Variants in FAM13A observed in about 807,000 individuals in gnomAD.
The protein encoded by FAM13A is protein FAM13A.
In FAM13A, 76 loss-of-function variants were observed where a neutral mutation model predicts 129.6. That is an observed-to-expected ratio of 0.59 (90% CI 0.49 to 0.71). The LOEUF (loss-of-function observed/expected upper bound fraction) is 0.71, where lower values mean the gene tolerates loss of function less well. Ranked by LOEUF, FAM13A falls within the 30% of genes least tolerant of loss-of-function variation. FAM13A has a pLI of 0.00. For missense variants in FAM13A, 1,108 were observed against 1,249.3 expected (o/e 0.89, Z 1.70); for synonymous variants, 443 against 449.9 (o/e 0.98, Z 0.20).
At chr4:89,024,261 G>A (rs950671552) in intron 2 of FAM13A, among the ~76,000 whole-genome samples, 2 of 152,026 alleles carry the variant, frequency 1.3e-5, no homozygotes, top group Non-Finnish European at 2.9e-5. Flanking sequence ...TCTGACACCT[G>A]GTGGTGACTT....
intron 7 of FAM13A, chr4:88,823,096 A>G: frequency 6.3e-7 from 1 of 1,590,670 alleles, no homozygotes. Context: ...TACAGTGGCT[A>G]AGCTGGGTTG....
chr4:88,851,029 A>G lies in FAM13A; in HGVS notation c.998T>C (p.Leu333Ser). 1 of 1,613,938 alleles carries G rather than the reference A, an allele frequency of 6.2e-7. No individual in the cohort carries two copies. The highest frequency in any genetic ancestry group is 8.5e-7 in the Non-Finnish European group (1 of 1,179,880). ...NSAEGAISAK[L>S]VPSSQEDERP... ...AAGAAAACATGCCAACCTGGGTACC[A>G]ACTTGGCACTAATAGCACCCTCTGC... Residue 333 changes from leucine to serine, a missense_variant, in exon 7 of 24, where the codon TTG becomes TCG. Around this residue, in one of 3 missense-constraint regions of FAM13A, gnomAD observed 566 missense variants for 595.7 expected, o/e 0.95. Transcript: ENST00000264344.
At chr4:88,849,922 C>T (rs1210667022) in intron 7 of FAM13A, among the ~76,000 whole-genome samples, 2 of 152,202 alleles carry the variant, frequency 1.3e-5, no homozygotes, top group African/African-American at 2.4e-5. Context: ...TGTTATACCT[C>T]CTAAGTAAGC....
At chr4:88,856,201 C>T (rs1738460578) in intron 6 of FAM13A, among the ~76,000 whole-genome samples, 2 of 151,922 alleles carry the variant, frequency 1.3e-5, no homozygotes, top group African/African-American at 4.8e-5. Context: ...AAGTGTGGAC[C>T]GGGCATGGTG....
At chr4:89,032,940 C>T (rs1173688294) in intron 1 of FAM13A, among the ~76,000 whole-genome samples, 28 of 152,342 alleles carry the variant, frequency 1.8e-4, no homozygotes, top group Non-Finnish European at 5.9e-5. Flanking sequence ...CTCTAGTGCT[C>T]TAACAAGATG....
At chr4:88,803,555 T>TG (rs1553987457) in intron 8 of FAM13A, among the ~76,000 whole-genome samples, 2 of 37,458 alleles carry the variant, frequency 5.3e-5, no homozygotes, top group African/African-American at 1.0e-4. Flanking sequence ...AAACATTTGT[T>TG]ATTACTGTGT....
At chr4:88,749,704 G>A in intron 16 of FAM13A, 67 bp downstream of exon 16, 2 of 1,549,182 alleles carry the variant, frequency 1.3e-6, no homozygotes, top group East Asian at 2.2e-5. Flanking sequence ...GTTTCTTTGA[G>A]TTGCTGAAAT....
At chr4:88,869,111 T>A (rs1200540888) in intron 6 of FAM13A, among the ~76,000 whole-genome samples, 2 of 152,172 alleles carry the variant, frequency 1.3e-5, no homozygotes, top group Admixed American at 1.3e-4. Context: ...CTGAGAGTCA[T>A]CTTTATCTCA....
intron 6 of FAM13A, among the ~76,000 whole-genome samples, chr4:88,862,819 A>G (rs1739713966): frequency 6.6e-6 from 1 of 151,924 alleles, no homozygotes; most frequent in Non-Finnish European, 1.5e-5. Context: ...ATGTATAAGG[A>G]AGTTTGGGTA....
At chr4:88,985,009 G>A (rs550467368) in intron 4 of FAM13A, among the ~76,000 whole-genome samples, 3 of 152,190 alleles carry the variant, frequency 2.0e-5, no homozygotes, top group Admixed American at 6.5e-5. Flanking sequence ...AGCATCATTC[G>A]AAATAGCCAG....
At chr4:89,020,709 T>A in intron 2 of FAM13A, 40 bp from the exon 3 acceptor site, 1 of 1,359,182 alleles carries the variant, frequency 7.4e-7, no homozygotes, top group Non-Finnish European at 1.1e-6. Flanking sequence ...AATAGGTTTC[T>A]CACAGACATG....
chr4:88,887,907 T>C (rs1744718639), intron 6 of FAM13A, among the ~76,000 whole-genome samples: 1 of 152,204 alleles, frequency 6.6e-6, no homozygotes, highest in Non-Finnish European at 1.5e-5. Context: ...TTCTTTAAAT[T>C]TGTTTTATGT....
intron 1 of FAM13A, among the ~76,000 whole-genome samples, chr4:89,034,315 A>G (rs1362584763): frequency 2.0e-5 from 3 of 152,196 alleles, no homozygotes; most frequent in Non-Finnish European, 4.4e-5. Context: ...GCCAACAAAC[A>G]TGAAAAGATG....
intron 6 of FAM13A, among the ~76,000 whole-genome samples, chr4:88,872,268 T>C (rs1741552415): frequency 1.3e-5 from 2 of 152,160 alleles, no homozygotes; most frequent in Non-Finnish European, 2.9e-5. Context: ...AACATCATAA[T>C]GACAGGATCA....
intron 8 of FAM13A, among the ~76,000 whole-genome samples, chr4:88,794,711 A>G (rs1725824337): frequency 6.6e-6 from 1 of 151,884 alleles, no homozygotes; most frequent in African/African-American, 2.4e-5. Context: ...TCTCTAGGAT[A>G]TAATATTTAA....
At chr4:88,772,323 C>T (rs1304634642) in intron 11 of FAM13A, among the ~76,000 whole-genome samples, 4 of 152,090 alleles carry the variant, frequency 2.6e-5, no homozygotes, top group Non-Finnish European at 4.4e-5. Context: ...ATTGTATAAG[C>T]GCATTCATAT....
Position 88,973,121 on chromosome 4 carries a change from C to A in FAM13A, c.605+17852G>T, listed in dbSNP as rs1216517745. ...ATCTTCTGCAGTTTGAAATGACAAG[C>A]CTAGGCATAATTTTTTTTTTTTTTT... On this transcript the variant is annotated intron_variant, in intron 4 of 23. Transcript: ENST00000264344. Among the ~76,000 whole-genome samples, 3 of 143,738 alleles carry A rather than the reference C, an allele frequency of 2.1e-5. No homozygotes were observed. In the South Asian group the frequency reaches 6.5e-4, roughly 31 times the overall value. 94.3% of individuals were successfully genotyped at this position (143,738 alleles called of 152,430 possible).
chr4:88,815,639 T>C (rs1254820665), intron 7 of FAM13A, among the ~76,000 whole-genome samples: 5 of 152,234 alleles, frequency 3.3e-5, no homozygotes, highest in South Asian at 2.1e-4. Flanking sequence ...TGTACTCATG[T>C]GTACTTGGTC....
intron 4 of FAM13A, among the ~76,000 whole-genome samples, chr4:88,945,446 G>A (rs1755500925): frequency 6.6e-6 from 1 of 152,128 alleles, no homozygotes; most frequent in Non-Finnish European, 1.5e-5. Context: ...CCCTATCGTA[G>A]TAAGACTCTT....
Sources: gnomAD v4.1 joint callset for allele counts (sites outside exome capture counted in the v4.1 genomes callset) on GRCh38, gnomAD v4.1.1 for gene constraint, gnomAD v4.1.1 regional missense constraint, MANE v1.5 for transcripts, NCBI Gene and HGNC (gene_info 2026-07-23, HGNC 2026-07-21) for gene names.